Variants in PPM1L observed in about 807,000 individuals in gnomAD.
PPM1L encodes protein phosphatase 1L.
Under a neutral mutation model 31.4 loss-of-function variants are expected in PPM1L, and 13 were observed. The ratio of observed to expected loss-of-function variants is 0.41; its 90% CI spans 0.27 to 0.66. The LOEUF is 0.66. Among genes scored for constraint, PPM1L ranks in the 30% least tolerant of loss-of-function variants. The pLI, the probability that PPM1L is intolerant of heterozygous loss-of-function variation, is 0.29. For synonymous variants in PPM1L, 184 were observed against 175.4 expected (o/e 1.05, Z -0.39); for missense variants, 326 against 453.7 (o/e 0.72, Z 2.56).
chr3:160,798,504 G>T (rs1027355400), intron 1 of PPM1L, among the ~76,000 whole-genome samples: 2 of 152,174 alleles, frequency 1.3e-5, no homozygotes, highest in African/African-American at 4.8e-5. Context: ...GTCTGCTTAT[G>T]CTCTCGAAAT....
Position 160,961,612 on chromosome 3 carries a change from A to G in PPM1L, c.400-124A>G, listed in dbSNP as rs568103882. On this transcript the variant is annotated intron_variant, in intron 1 of 3. Transcript: ENST00000498165. ...TACTAAAAATGACGATGACAAGGACATGCTTGTCTGGAGGGTTGGTTTCAC... is the reference window on the plus strand; with the variant it reads ...TACTAAAAATGACGATGACAAGGACGTGCTTGTCTGGAGGGTTGGTTTCAC... The G allele has an allele frequency of 7.9e-4, 528 of 666,496 alleles. 3 individuals are homozygous for G. The African/African-American group carries it at 9.1e-3, about 11-fold the overall frequency. 41.3% of individuals were successfully genotyped at this position (666,496 alleles called of 1,614,324 possible).
At chr3:160,984,608 T>C (rs139463095) in intron 2 of PPM1L, among the ~76,000 whole-genome samples, 17 of 152,332 alleles carry the variant, frequency 1.1e-4, no homozygotes, top group African/African-American at 4.1e-4. Context: ...TTGATAAATG[T>C]CCATGAAATC....
chr3:160,973,608 A>AT (rs1716428524), intron 2 of PPM1L, among the ~76,000 whole-genome samples: 3 of 152,276 alleles, frequency 2.0e-5, no homozygotes, highest in African/African-American at 7.2e-5. Context: ...AGAGGTAGGT[A>AT]AAATGCATCC....
chr3:160,871,780 G>A (rs1272904942), intron 1 of PPM1L, among the ~76,000 whole-genome samples: 5 of 142,096 alleles, frequency 3.5e-5, no homozygotes, highest in African/African-American at 5.3e-5. Flanking sequence ...TTCTTATTTT[G>A]TATAATATTT....
At chr3:161,067,683 C>G (rs148022906) in intron 3 of PPM1L, among the ~76,000 whole-genome samples, 1 of 152,354 alleles carries the variant, frequency 6.6e-6, no homozygotes, top group African/African-American at 2.4e-5. Flanking sequence ...TGTGCCCAAG[C>G]ACACACAGCT....
intron 1 of PPM1L, among the ~76,000 whole-genome samples, chr3:160,887,016 A>G (rs1181831490): frequency 6.6e-6 from 1 of 151,984 alleles, no homozygotes; most frequent in African/African-American, 2.4e-5. Context: ...AGGAACATAA[A>G]TGACCTGATG....
At chr3:161,046,130 A>AG (rs386398386) in intron 2 of PPM1L, among the ~76,000 whole-genome samples, 4 of 150,714 alleles carry the variant, frequency 2.7e-5, no homozygotes, top group African/African-American at 9.8e-5. Context: ...AAAAAAAAAA[A>AG]AAAATCAATG....
intron 1 of PPM1L, among the ~76,000 whole-genome samples, chr3:160,918,516 T>C (rs1714269857): frequency 6.6e-6 from 1 of 152,194 alleles, no homozygotes; most frequent in Non-Finnish European, 1.5e-5. Flanking sequence ...GTCTTTAAGC[T>C]GTGAAAAATA....
intron 1 of PPM1L, among the ~76,000 whole-genome samples, chr3:160,764,539 T>TC (rs1295585907): frequency 1.3e-5 from 2 of 151,736 alleles, no homozygotes; most frequent in Non-Finnish European, 2.9e-5. Context: ...CGATCTAGGC[T>TC]CGCTGCAAAC....
chr3:160,819,553 A>G (rs1401885771), intron 1 of PPM1L, among the ~76,000 whole-genome samples: 1 of 151,882 alleles, frequency 6.6e-6, no homozygotes, highest in African/African-American at 2.4e-5. Flanking sequence ...ATTACCTACT[A>G]TGTGTCAGAT....
rs955733146 is a variant in PPM1L, at chr3:161,078,341, A to C, written c.*9184A>C. The C allele has an allele frequency of 5.9e-5, 9 of 152,336 alleles. No individual in the cohort carries two copies. In the South Asian group the frequency reaches 1.2e-3, roughly 21 times the overall value. The allele number at this position is 152,336 out of a possible 1,614,324, so 9.4% of individuals were successfully genotyped here. On this transcript the variant is annotated 3_prime_UTR_variant, in exon 4 of 4. Transcript: ENST00000498165. ...ATAAGCTTTTATTTATACCTATTTC[A>C]ACATCATGAAAATTTTTCCATCAGC...
chr3:161,056,150 G>A (rs1180211479), intron 2 of PPM1L, among the ~76,000 whole-genome samples: 1 of 152,146 alleles, frequency 6.6e-6, no homozygotes, highest in Non-Finnish European at 1.5e-5. Context: ...AAGGCAGAAT[G>A]TTTGCTCTGA....
At chr3:160,905,798 C>T (rs1186865173) in intron 1 of PPM1L, among the ~76,000 whole-genome samples, 1 of 152,028 alleles carries the variant, frequency 6.6e-6, no homozygotes, top group Non-Finnish European at 1.5e-5. Context: ...TTGGTTGACC[C>T]TATTCTCATT....
Position 161,016,284 on chromosome 3 carries a change from T to G in PPM1L, c.575-49119T>G, listed in dbSNP as rs1217431391. On this transcript the variant is annotated intron_variant, in intron 2 of 3. Coordinates refer to ENST00000498165, the MANE Select transcript of PPM1L (RefSeq NM_139245.4). ...TATGATCTCCATCTACATCAAACAT[T>G]TATTCATTTCTGTCATATTGCATGG... 3.9e-5 allele frequency among the ~76,000 whole-genome samples: 6 copies of G among 152,340 alleles called. No individual in the cohort carries two copies. In the East Asian group the frequency reaches 1.2e-3, roughly 29 times the overall value.
intron 1 of PPM1L, among the ~76,000 whole-genome samples, chr3:160,959,658 C>T (rs572133055): frequency 2.4e-3 from 360 of 151,944 alleles, no homozygotes; most frequent in African/African-American, 8.5e-3. Flanking sequence ...GGTAAAACCC[C>T]GTCTCTACTA....
rs1231502111 is a variant in PPM1L at position 161,077,241 on chromosome 3, TC to T, written c.*8085del. 4 of 152,352 alleles carry T rather than the reference TC, an allele frequency of 2.6e-5. No individual in the cohort carries two copies. Among genetic ancestry groups the T allele is most frequent in the Non-Finnish European group, 5.9e-5 (4 of 68,036 alleles). 9.4% of individuals were successfully genotyped at this position (152,352 alleles called of 1,614,324 possible). On this transcript the variant is annotated 3_prime_UTR_variant, in exon 4 of 4. Transcript: ENST00000498165. ...AGTAAGTGATATGAGATTGGGAATT[TC>T]TTGCCAACACTCAAGCAAACTGCAG...
At chr3:160,796,519 G>A (rs374113930) in intron 1 of PPM1L, among the ~76,000 whole-genome samples, 1 of 152,206 alleles carries the variant, frequency 6.6e-6, no homozygotes, top group African/African-American at 2.4e-5. Flanking sequence ...GAATCATAAG[G>A]ATGTCAGTGG....
chr3:161,002,364 G>T lies in PPM1L; in HGVS notation c.574+40454G>T, dbSNP rs188970864. ...TTGGGTATATACCCAGTAATGGGAT[G>T]GCTGGGTCAAATGGTATTTCTAGAT... is the stretch of plus-strand genomic sequence containing the variant. On this transcript the variant is annotated intron_variant, in intron 2 of 3. Coordinates refer to ENST00000498165, the MANE Select transcript of PPM1L (RefSeq NM_139245.4). Among the ~76,000 whole-genome samples, 260 of 152,236 alleles carry T rather than the reference G, an allele frequency of 1.7e-3. 2 individuals are homozygous for T. Among genetic ancestry groups the T allele is most frequent in the Non-Finnish European group, 3.1e-3 (211 of 68,014 alleles).
chr3:161,011,813 CTGTT>C (rs1240290408), intron 2 of PPM1L, among the ~76,000 whole-genome samples: 1 of 152,114 alleles, frequency 6.6e-6, no homozygotes, highest in Non-Finnish European at 1.5e-5. Context: ...ATTTGGTTCT[CTGTT>C]TGTCTGTTGT....
Sources: gnomAD v4.1 joint callset for allele counts (sites outside exome capture counted in the v4.1 genomes callset) on GRCh38, gnomAD v4.1.1 for gene constraint, MANE v1.5 for transcripts, NCBI Gene and HGNC (gene_info 2026-07-23, HGNC 2026-07-21) for gene names.